The following PHAF1 variants were observed in gnomAD, a reference collection of about 807,000 sequenced individuals.
The protein encoded by PHAF1 is phagophore assembly factor 1.
A neutral mutation model predicts 63.1 loss-of-function variants in PHAF1; 23 were observed. The ratio of observed to expected loss-of-function variants is 0.36; its 90% confidence interval spans 0.26 to 0.52. PHAF1 has a LOEUF of 0.52. Ranked by LOEUF, PHAF1 falls within the 20% of genes least tolerant of loss-of-function variation. PHAF1 has a pLI of 0.93. For missense variants in PHAF1, 427 were observed against 517.2 expected (o/e 0.83, Z 1.69); for synonymous variants, 167 against 185.0 (o/e 0.90, Z 0.79).
chr16:67,120,238 A>G, intron 2 of PHAF1, 44 bp downstream of exon 2: 1 of 1,555,174 alleles, frequency 6.4e-7, no homozygotes, highest in Non-Finnish European at 8.9e-7. Context: ...ATCCCTCGGT[A>G]GTGAGTCACT....
chr16:67,133,430 G>A (rs369715512), intron 6 of PHAF1, among the ~76,000 whole-genome samples: 26 of 148,968 alleles, frequency 1.7e-4, no homozygotes, highest in African/African-American at 5.7e-4. Flanking sequence ...CAAGGCGGGC[G>A]GATGACTTGA....
intron 8 of PHAF1, among the ~76,000 whole-genome samples, chr16:67,137,790 T>G (rs1963664885): frequency 6.6e-6 from 1 of 152,140 alleles, no homozygotes; most frequent in Non-Finnish European, 1.5e-5. Flanking sequence ...CTCAGCCAAT[T>G]ATGTCTGCCA....
At chr16:67,141,741 G>A (rs969179926) in intron 10 of PHAF1, among the ~76,000 whole-genome samples, 5 of 152,192 alleles carry the variant, frequency 3.3e-5, no homozygotes, top group Admixed American at 1.3e-4. Context: ...CTTCCATTGC[G>A]GGCACCCATG....
rs566340935 is a variant in PHAF1 at position 67,115,724 on chromosome 16, C to A, written c.65-4388C>A. Among the ~76,000 whole-genome samples, 10 of 152,192 alleles carry A rather than the reference C, an allele frequency of 6.6e-5. No individual in the cohort carries two copies. In the South Asian group the frequency reaches 1.9e-3, roughly 28 times the overall value. On this transcript the variant is annotated intron_variant, in intron 1 of 15. Transcript: ENST00000219139. ...AGAGATCTTTCGTAGCCCTCCTTTACCAGTAGCTGTGTGATGACCAGTCAC... is the reference window on the plus strand; with the variant it reads ...AGAGATCTTTCGTAGCCCTCCTTTAACAGTAGCTGTGTGATGACCAGTCAC...
At chr16:67,110,336 G>T in intron 1 of PHAF1, 97 bp downstream of exon 1, 1 of 1,347,044 alleles carries the variant, frequency 7.4e-7, no homozygotes, top group Non-Finnish European at 1.0e-6. Context: ...CCCTGCGCCC[G>T]CAGCTCCTCA....
Position 67,145,587 on chromosome 16 carries a change from G to A in PHAF1, c.1068G>A (p.Glu356=). The change falls in exon 14 of 16, where the codon GAG becomes GAA. Residue 356 remains glutamate, a synonymous_variant. Transcript: ENST00000219139. ...TTYSKWDNIQ[E]LLGHPVEKPV... is the part of the protein sequence containing the mutation. ...TCTTGCAGTGGGACAACATCCAGGAGCTCCTGGGCCACCCTGTGGAGAAGC... is the reference window on the plus strand; with the variant it reads ...TCTTGCAGTGGGACAACATCCAGGAACTCCTGGGCCACCCTGTGGAGAAGC... The A allele has an allele frequency of 1.2e-6, 2 of 1,614,040 alleles. No individual in the cohort carries two copies. The highest frequency in any genetic ancestry group is 1.1e-5 in the South Asian group (1 of 91,066).
chr16:67,122,718 A>G (rs1339607578), intron 2 of PHAF1, among the ~76,000 whole-genome samples: 1 of 152,068 alleles, frequency 6.6e-6, no homozygotes, highest in African/African-American at 2.4e-5. Context: ...TGATAATAGA[A>G]TAATCTTTGG....
At chr16:67,141,579 TGGCAAGG>T (rs1336114767) in intron 10 of PHAF1, among the ~76,000 whole-genome samples, 1 of 151,802 alleles carries the variant, frequency 6.6e-6, no homozygotes, top group African/African-American at 2.4e-5. Flanking sequence ...AGGCATGGAG[TGGCAAGG>T]GGTGTGTGAG....
At chr16:67,144,763 G>A in intron 11 of PHAF1, 71 bp from the exon 12 acceptor site, 2 of 1,514,484 alleles carry the variant, frequency 1.3e-6, no homozygotes, top group Non-Finnish European at 1.8e-6. Flanking sequence ...CTCCTGGGGT[G>A]TGGGGTTGGA....
intron 3 of PHAF1, among the ~76,000 whole-genome samples, chr16:67,128,749 A>G (rs66757569): frequency 6.6e-6 from 1 of 152,132 alleles, no homozygotes; most frequent in East Asian, 1.9e-4. Flanking sequence ...CTGCTTATTG[A>G]TGCTCCTAGT....
At chr16:67,146,941 C>A (rs2145897327) in intron 15 of PHAF1, 104 bp from the exon 16 acceptor site, 3 of 1,066,638 alleles carry the variant, frequency 2.8e-6, no homozygotes, top group East Asian at 4.8e-5. Context: ...GGAAACCCAG[C>A]CATTAGGTGC....
At position 67,146,164 on chromosome 16, in the gene PHAF1, T is replaced by A. The variant is rs184034252; in HGVS notation, c.1110-114T>A. 7.2e-3 allele frequency: 6,891 copies of A among 953,338 alleles called. 49 individuals carry two copies. The highest frequency in any genetic ancestry group is 7.5e-3 in the Non-Finnish European group (4,371 of 586,108). 59.1% of individuals were successfully genotyped at this position (953,338 alleles called of 1,614,324 possible). ...GCCTGTGTGGGAAACAGACAGACAC[T>A]CACAGCCATGAGAGACTACTGGCCA... On this transcript the variant is annotated intron_variant, in intron 14 of 15. Transcript: ENST00000219139.
In PHAF1 at chr16:67,126,027, C is replaced by T; in HGVS notation, c.216C>T (p.Phe72=). The change falls in exon 3 of 16, where the codon TTC becomes TTT. Residue 72 remains phenylalanine (F), a synonymous_variant. Transcript: ENST00000219139. ...GGATCAAACTAATGTTTGATGCTTT[C>T]AATCAGAGACTTAAGGTAACTATAA... ...QDGIKLMFDA[F]NQRLKVIEVC... The T allele has an allele frequency of 3.7e-6, 6 of 1,611,310 alleles. No individual in the cohort carries two copies. Among genetic ancestry groups the T allele is most frequent in the Non-Finnish European group, 4.2e-6 (5 of 1,178,010 alleles).
In PHAF1 at chr16:67,147,832, C is replaced by G. The variant is rs1381118746; in HGVS notation, c.*701C>G. On this transcript the variant is annotated 3_prime_UTR_variant, in exon 16 of 16. Transcript: ENST00000219139. ...GCTGGCAGGGCTGCATGTTTCCATC[C>G]TGTTTGCCTCTTTTATTTAATGCCA... 1 of 152,882 alleles carries G rather than the reference C, an allele frequency of 6.5e-6. No homozygotes were observed. Among genetic ancestry groups the G allele is most frequent in the Non-Finnish European group, 1.5e-5 (1 of 68,154 alleles). 9.5% of individuals were successfully genotyped at this position (152,882 alleles called of 1,614,324 possible).
At chr16:67,117,414 A>G (rs890959231) in intron 1 of PHAF1, among the ~76,000 whole-genome samples, 9 of 151,504 alleles carry the variant, frequency 5.9e-5, no homozygotes, top group African/African-American at 2.2e-4. Flanking sequence ...TGGAATTTGG[A>G]TTACTTAAAC....
chr16:67,131,384 T>C, intron 4 of PHAF1, 55 bp downstream of exon 4: 2 of 1,250,364 alleles, frequency 1.6e-6, no homozygotes, highest in Non-Finnish European at 2.3e-6. Flanking sequence ...AGGCCATATC[T>C]ACTATCTTCA....
At chr16:67,112,568 TA>T (rs1178601349) in intron 1 of PHAF1, among the ~76,000 whole-genome samples, 11 of 151,154 alleles carry the variant, frequency 7.3e-5, no homozygotes, top group Non-Finnish European at 1.5e-4. Context: ...GTTACTAGGA[TA>T]TTAATTGAGA....
At position 67,138,795 on chromosome 16, in the gene PHAF1, T is replaced by C. The variant is rs181647284; in HGVS notation, c.662-1189T>C. Reference sequence around the variant, plus strand: ...TGAGTGATAATGGCTCTTGTCTGGGTTGGAGGGCTCTGTCAGGTGTTTGTG... The same window carrying C: ...TGAGTGATAATGGCTCTTGTCTGGGCTGGAGGGCTCTGTCAGGTGTTTGTG... On this transcript the variant is annotated intron_variant, in intron 8 of 15. Transcript: ENST00000219139. Among the ~76,000 whole-genome samples, 508 of 152,256 alleles carry C rather than the reference T, an allele frequency of 3.3e-3. 7 individuals carry two copies. The highest frequency in any genetic ancestry group is 0.012 in the African/African-American group (497 of 41,534).
intron 2 of PHAF1, among the ~76,000 whole-genome samples, chr16:67,122,449 G>C (rs1469137763): frequency 6.6e-6 from 1 of 151,844 alleles, no homozygotes; most frequent in Admixed American, 6.6e-5. Flanking sequence ...AAATTAACCT[G>C]GAGTGGTGGC....
Sources: gnomAD v4.1 joint callset for allele counts (sites outside exome capture counted in the v4.1 genomes callset) on GRCh38, gnomAD v4.1.1 for gene constraint, MANE v1.5 for transcripts, NCBI Gene and HGNC (gene_info 2026-07-23, HGNC 2026-07-21) for gene names.